TYW1: variants seen among roughly 807,000 people sequenced by gnomAD.
TYW1 encodes the protein tRNA-yW synthesizing protein 1 homolog, also known as S-adenosyl-L-methionine-dependent tRNA 4-demethylwyosine synthase TYW1.
TYW1 carries 46 observed loss-of-function variants against 96.2 expected under a neutral mutation model. That is an observed-to-expected ratio of 0.48 (90% CI 0.38 to 0.61). TYW1 has a LOEUF of 0.61. Among genes scored for constraint, TYW1 ranks in the 20% least tolerant of loss-of-function variants. TYW1 has a pLI of 0.00. For missense variants in TYW1, 684 were observed against 909.6 expected (o/e 0.75, Z 3.19); for synonymous variants, 274 against 323.0 (o/e 0.85, Z 1.63).
chr7:67,086,480 A>G (rs1237213947), intron 11 of TYW1, among the ~76,000 whole-genome samples: 1 of 152,032 alleles, frequency 6.6e-6, no homozygotes, highest in Non-Finnish European at 1.5e-5. Flanking sequence ...AGAGAGAGAC[A>G]GAAAGAGAGA....
chr7:67,054,682 T>C (rs1795455927), intron 8 of TYW1, among the ~76,000 whole-genome samples: 1 of 148,288 alleles, frequency 6.7e-6, no homozygotes, highest in South Asian at 2.2e-4. Context: ...TCATCCAGAC[T>C]GTATTTCTCC....
chr7:67,211,788 G>A (rs1419011822), intron 15 of TYW1, among the ~76,000 whole-genome samples: 1 of 152,146 alleles, frequency 6.6e-6, no homozygotes, highest in African/African-American at 2.4e-5. Flanking sequence ...TAACCCTGGA[G>A]CACAGCGCTA....
intron 15 of TYW1, among the ~76,000 whole-genome samples, chr7:67,215,102 G>C (rs4718484): frequency 0.04 from 6,089 of 150,380 alleles, 185 homozygotes; most frequent in Middle Eastern, 0.092. Context: ...ATGTTTGGTA[G>C]GATTCACCAG....
chr7:67,099,019 TTTA>T (rs1323020472), intron 12 of TYW1, among the ~76,000 whole-genome samples: 3 of 144,332 alleles, frequency 2.1e-5, no homozygotes, highest in Non-Finnish European at 3.0e-5. Context: ...TTTATTTTAT[TTTA>T]TTATTATTAT....
At chr7:67,235,045 G>GT (rs1801841760) in intron 15 of TYW1, among the ~76,000 whole-genome samples, 1 of 152,126 alleles carries the variant, frequency 6.6e-6, no homozygotes, top group African/African-American at 2.4e-5. Context: ...TCATGTTAGA[G>GT]TTTGAGGGTG....
intron 10 of TYW1, among the ~76,000 whole-genome samples, chr7:67,075,742 C>A (rs1195177690): frequency 6.6e-6 from 1 of 152,130 alleles, no homozygotes; most frequent in Non-Finnish European, 1.5e-5. Context: ...GGTTGAGGAG[C>A]AATACCCAAG....
At chr7:67,019,281 C>G (rs1794146180) in intron 6 of TYW1, among the ~76,000 whole-genome samples, 1 of 152,242 alleles carries the variant, frequency 6.6e-6, no homozygotes, top group African/African-American at 2.4e-5. Context: ...ATTTCCTCCC[C>G]AACCCTTCCC....
intron 11 of TYW1, among the ~76,000 whole-genome samples, chr7:67,088,309 A>G (rs964875988): frequency 4.8e-4 from 73 of 152,164 alleles, no homozygotes; most frequent in Non-Finnish European, 2.4e-4. Flanking sequence ...TCTTATTGCT[A>G]TAATAGTCAT....
intron 1 of TYW1, 102 bp downstream of exon 1, chr7:66,997,084 GGAGACTGTTGCACTT>G: frequency 1.3e-6 from 2 of 1,581,460 alleles, no homozygotes; most frequent in African/African-American, 2.7e-5. Flanking sequence ...CCTTTCCTTC[GGAGACTGTTGCACTT>G]GACAGCACCG....
At chr7:67,006,075 T>A (rs1793574848) in intron 3 of TYW1, among the ~76,000 whole-genome samples, 1 of 152,162 alleles carries the variant, frequency 6.6e-6, no homozygotes, top group South Asian at 2.1e-4. Flanking sequence ...TGGATCTGTG[T>A]CCCCACCAAA....
chr7:67,153,333 A>G (rs1291919621), intron 13 of TYW1, among the ~76,000 whole-genome samples: 1 of 152,172 alleles, frequency 6.6e-6, no homozygotes, highest in East Asian at 1.9e-4. Context: ...GTGCACATCT[A>G]TAATCCCAGC....
intron 3 of TYW1, among the ~76,000 whole-genome samples, chr7:67,005,909 C>A (rs1483770953): frequency 6.6e-6 from 1 of 152,088 alleles, no homozygotes; most frequent in Non-Finnish European, 1.5e-5. Context: ...TTAGTAACCT[C>A]CTCTGGGCCT....
rs61084828 is a variant in TYW1 at position 67,204,557 on chromosome 7, CTTCT to C, written c.1977+9226_1977+9229del. ...TCTTCCTCTTCCTCTTCTTCTTCTTCTTCTTTCTTCTTCCTTCTTCCTTCTTTCT... is the reference window on the plus strand; with the variant it reads ...TCTTCCTCTTCCTCTTCTTCTTCTTCTTCTTCTTCCTTCTTCCTTCTTTCT... On this transcript the variant is annotated intron_variant, in intron 15 of 15. Coordinates refer to ENST00000359626, the MANE Select transcript of TYW1 (RefSeq NM_018264.4). Among the ~76,000 whole-genome samples, 8 of 137,786 alleles carry C rather than the reference CTTCT, an allele frequency of 5.8e-5. No individual in the cohort carries two copies. In the South Asian group the frequency reaches 1.8e-3, roughly 31 times the overall value. The allele number at this position is 137,786 out of a possible 152,430, so 90.4% of individuals were successfully genotyped here.
intron 4 of TYW1, among the ~76,000 whole-genome samples, chr7:67,010,743 A>G (rs1230466611): frequency 1.3e-5 from 2 of 151,938 alleles, no homozygotes; most frequent in African/African-American, 2.4e-5. Context: ...CCAAAGTGCT[A>G]GGATTACAGA....
intron 12 of TYW1, among the ~76,000 whole-genome samples, chr7:67,100,634 C>T (rs1797056165): frequency 6.6e-6 from 1 of 151,992 alleles, no homozygotes; most frequent in Non-Finnish European, 1.5e-5. Flanking sequence ...ATCACGAGGT[C>T]ATGAGATTGA....
intron 12 of TYW1, among the ~76,000 whole-genome samples, chr7:67,116,568 G>A (rs1797601380): frequency 6.6e-6 from 1 of 151,908 alleles, no homozygotes; most frequent in Non-Finnish European, 1.5e-5. Flanking sequence ...ACATGCATGT[G>A]GTCCCAGCTA....
intron 10 of TYW1, among the ~76,000 whole-genome samples, chr7:67,074,273 T>C (rs1322167871): frequency 6.6e-6 from 1 of 152,112 alleles, no homozygotes; most frequent in Non-Finnish European, 1.5e-5. Context: ...TGTGTCCTAG[T>C]TTTTCTTGTT....
chr7:67,147,813 G>T (rs557052259), intron 13 of TYW1, among the ~76,000 whole-genome samples: 123 of 152,236 alleles, frequency 8.1e-4, no homozygotes, highest in Non-Finnish European at 1.3e-3. Flanking sequence ...GGAGAATAGG[G>T]ATTGGTGGGC....
At chr7:67,018,517 G>A (rs950590522) in intron 6 of TYW1, among the ~76,000 whole-genome samples, 2 of 151,736 alleles carry the variant, frequency 1.3e-5, no homozygotes, top group African/African-American at 4.8e-5. Flanking sequence ...CTCCAGCCTG[G>A]GCAACAGAGT....
Sources: gnomAD v4.1 joint callset for allele counts (sites outside exome capture counted in the v4.1 genomes callset) on GRCh38, gnomAD v4.1.1 for gene constraint, MANE v1.5 for transcripts, NCBI Gene and HGNC (gene_info 2026-07-23, HGNC 2026-07-21) for gene names.